Variants in DNAJC28 observed in about 807,000 individuals in gnomAD.
DNAJC28 encodes the protein DnaJ heat shock protein family (Hsp40) member C28, also known as dnaJ homolog subfamily C member 28.
Under a neutral mutation model 33.3 loss-of-function variants are expected in DNAJC28, and 24 were observed. The ratio of observed to expected loss-of-function variants is 0.72; its 90% CI spans 0.52 to 1.01. DNAJC28 has a LOEUF of 1.01. Among genes scored for constraint, DNAJC28 ranks in the 50% least tolerant of loss-of-function variants. The pLI is 0.00. For missense variants in DNAJC28, 442 were observed against 455.2 expected (o/e 0.97, Z 0.26); for synonymous variants, 120 against 147.2 (o/e 0.82, Z 1.34).
In DNAJC28 at chr21:33,488,934, A is replaced by G. The variant is rs1190460475; in HGVS notation, c.460T>C (p.Tyr154His). The G allele has an allele frequency of 6.2e-7, 1 of 1,613,586 alleles. No individual in the cohort carries two copies. The highest frequency in any genetic ancestry group is 8.5e-7 in the Non-Finnish European group (1 of 1,180,026). The change falls in exon 2 of 2, where the codon TAT becomes CAT. Residue 154 changes from tyrosine (Y) to histidine (H), a missense_variant. By Grantham distance (83) the Tyr-to-His change is moderately conservative (BLOSUM62 2). Coordinates refer to ENST00000381947, the MANE Select transcript of DNAJC28 (RefSeq NM_001040192.3). Reference protein sequence around the residue: ...FGTPTQREKHYRQFRADRAAE... With the variant: ...FGTPTQREKHHRQFRADRAAE... The stretch of plus-strand genomic sequence containing the variant: ...GCACGGTCTGCCCTAAATTGCCTAT[A>G]ATGCTTCTCTCGTTGAGTTGGAGTC...
chr21:33,488,718 G>C lies in DNAJC28; in HGVS notation c.676C>G (p.Pro226Ala). The C allele has an allele frequency of 6.2e-7, 1 of 1,610,064 alleles. No homozygotes were observed. The highest frequency in any genetic ancestry group is 8.5e-7 in the Non-Finnish European group (1 of 1,179,080). ...DFDNLSGKGK[P>A]LKKFSDCSYI... Reference sequence around the variant, plus strand: ...GAACAGTCAGAAAACTTTTTCAGAGGTTTTCCTTTCCCACTGAGATTGTCA... The same window carrying C: ...GAACAGTCAGAAAACTTTTTCAGAGCTTTTCCTTTCCCACTGAGATTGTCA... Residue 226 changes from proline to alanine, a missense_variant, in exon 2 of 2, where the codon CCT (proline) becomes GCT (alanine). By Grantham distance (27) the Pro-to-Ala change is conservative (BLOSUM62 -1). Transcript: ENST00000381947.
intron 1 of DNAJC28, among the ~76,000 whole-genome samples, chr21:33,489,789 CTTTT>C (rs35360893): frequency 2.5e-5 from 3 of 120,500 alleles, no homozygotes; most frequent in South Asian, 2.7e-4. Flanking sequence ...TGCGCTCAGC[CTTTT>C]TTTTTTTTTT....
At chr21:33,490,756 G>A (rs2084515287) in intron 1 of DNAJC28, among the ~76,000 whole-genome samples, 1 of 151,984 alleles carries the variant, frequency 6.6e-6, no homozygotes, top group Admixed American at 6.6e-5. Context: ...GTGAGACTCT[G>A]TCTCAAAAAA....
At chr21:33,490,353 C>T (rs2084511583) in intron 1 of DNAJC28, among the ~76,000 whole-genome samples, 2 of 148,800 alleles carry the variant, frequency 1.3e-5, no homozygotes, top group African/African-American at 5.0e-5. Flanking sequence ...GTGATCTGCC[C>T]GCCTCGACCT....
chr21:33,488,912 C>A lies in DNAJC28; in HGVS notation c.482G>T (p.Arg161Leu). Residue 161 changes from arginine to leucine, a missense_variant, in exon 2 of 2, where the codon CGT (arginine) becomes CTT (leucine). By Grantham distance (102) the Arg-to-Leu change is moderately radical. Coordinates refer to ENST00000381947, the MANE Select transcript of DNAJC28 (RefSeq NM_001040192.3). ...ATATTCCATCACTTGTTCAGCAGCA[C>A]GGTCTGCCCTAAATTGCCTATAATG... ...EKHYRQFRADRAAEQVMEYQK... is the reference protein window; with the variant it reads ...EKHYRQFRADLAAEQVMEYQK... The A allele has an allele frequency of 6.2e-7, 1 of 1,612,858 alleles. No homozygotes were observed.
chr21:33,489,356 C>A lies in DNAJC28; in HGVS notation c.38G>T (p.Arg13Ile), dbSNP rs1568996816. 1.3e-6 allele frequency: 2 copies of A among 1,542,528 alleles called. No homozygotes were observed. The highest frequency in any genetic ancestry group is 4.5e-5 in the East Asian group (2 of 44,466). Residue 13 changes from arginine (R) to isoleucine (I), a missense_variant, in exon 2 of 2, where the codon AGA becomes ATA. Coordinates refer to ENST00000381947, the MANE Select transcript of DNAJC28 (RefSeq NM_001040192.3). ...TMYVMMAQILRSHLIKATVIP... is the reference protein window; with the variant it reads ...TMYVMMAQILISHLIKATVIP... ...CACTGTAGCCTTTATCAGGTGAGAT[C>A]TTAAGATCTGAGCCATCATCACATA... is the stretch of plus-strand genomic sequence containing the variant.
Position 33,489,206 on chromosome 21 carries a change from G to C in DNAJC28, c.188C>G (p.Ser63Cys), listed in dbSNP as rs1432690604. 6.2e-7 allele frequency: 1 copy of C among 1,607,916 alleles called. No homozygotes were observed. The highest frequency in any genetic ancestry group is 2.2e-5 in the East Asian group (1 of 44,844). The change falls in exon 2 of 2, where the codon TCT becomes TGT. Residue 63 changes from serine to cysteine, a missense_variant. Physicochemically the swap from Ser to Cys is moderately radical, Grantham distance 112 (BLOSUM62 -1). Transcript: ENST00000381947. ...AAAAGATTCCCTGACTTCATCTGCAGAGCATCCTTCCTCCACGTTCAGCAG... is the reference window on the plus strand; with the variant it reads ...AAAAGATTCCCTGACTTCATCTGCACAGCATCCTTCCTCCACGTTCAGCAG... ...YRLLNVEEGC[S>C]ADEVRESFHK...
At position 33,488,373 on chromosome 21, in the gene DNAJC28, A is replaced by G. The variant is rs762429094; in HGVS notation, c.1021T>C (p.Tyr341His). The change falls in exon 2 of 2, where the codon TAC (tyrosine) becomes CAC (histidine). Residue 341 changes from tyrosine (Y) to histidine (H), a missense_variant. Physicochemically the swap from Tyr to His is moderately conservative, Grantham distance 83 (BLOSUM62 2). Transcript: ENST00000381947. Reference sequence around the variant, plus strand: ...TCTTTTGTTTTTATAAGGGTCTCGTATATTTTCTGGGCTCTGACAATTTCT... The same window carrying G: ...TCTTTTGTTTTTATAAGGGTCTCGTGTATTTTCTGGGCTCTGACAATTTCT... ...QKEIVRAQKIYETLIKTKEVT... is the reference protein window; with the variant it reads ...QKEIVRAQKIHETLIKTKEVT... 2 of 1,593,726 alleles carry G rather than the reference A, an allele frequency of 1.3e-6. No homozygotes were observed. The highest frequency in any genetic ancestry group is 1.7e-6 in the Non-Finnish European group (2 of 1,174,886).
rs200537192 is a variant in DNAJC28, at chr21:33,488,279, C to T, written c.1115G>A (p.Gly372Asp). The change falls in exon 2 of 2, where the codon GGT (glycine) becomes GAT (aspartate). Residue 372 changes from glycine (G) to aspartate (D), a missense_variant. Gly to Asp is a moderately conservative substitution (Grantham distance 94, BLOSUM62 -1). Coordinates refer to ENST00000381947, the MANE Select transcript of DNAJC28 (RefSeq NM_001040192.3). ...EGEKTPEIKKGFLNWMNLWKF... is the reference protein window; with the variant it reads ...EGEKTPEIKKDFLNWMNLWKF... Reference sequence around the variant, plus strand: ...CCACAGATTCATCCAGTTTAAAAAACCTTTCTTGATTTCAGGTGTTTTCTC... The same window carrying T: ...CCACAGATTCATCCAGTTTAAAAAATCTTTCTTGATTTCAGGTGTTTTCTC... The T allele has an allele frequency of 1.5e-4, 236 of 1,534,382 alleles. No homozygotes were observed. Among genetic ancestry groups the T allele is most frequent in the Non-Finnish European group, 1.9e-4 (223 of 1,149,704 alleles).
At position 33,488,924 on chromosome 21, in the gene DNAJC28, A is replaced by G; in HGVS notation, c.470T>C (p.Phe157Ser). ...PTQREKHYRQ[F>S]RADRAAEQVM... ...TTGTTCAGCAGCACGGTCTGCCCTA[A>G]ATTGCCTATAATGCTTCTCTCGTTG... The change falls in exon 2 of 2, where the codon TTT becomes TCT. Residue 157 changes from phenylalanine (F) to serine (S), a missense_variant. Transcript: ENST00000381947. 6.2e-7 allele frequency: 1 copy of G among 1,613,448 alleles called. No individual in the cohort carries two copies. Among genetic ancestry groups the G allele is most frequent in the Non-Finnish European group, 8.5e-7 (1 of 1,180,000 alleles).
In DNAJC28 at chr21:33,489,050, C is replaced by T. The variant is rs200908300; in HGVS notation, c.344G>A (p.Ser115Asn). 1.1e-4 allele frequency: 175 copies of T among 1,612,908 alleles called. No individual in the cohort carries two copies. The highest frequency in any genetic ancestry group is 1.4e-4 in the Non-Finnish European group (162 of 1,179,800). Residue 115 changes from serine (S) to asparagine (N), a missense_variant, in exon 2 of 2, where the codon AGT becomes AAT. Transcript: ENST00000381947. ...HVIEQTNASQ[S>N]KGEEEEDVEK... is the part of the protein sequence containing the mutation. ...TACATCTTCTTCTTCTTCACCTTTA[C>T]TCTGACTGGCATTTGTTTGTTCTAT...
intron 1 of DNAJC28, 110 bp from the exon 2 acceptor site, chr21:33,489,534 G>T: frequency 1.9e-6 from 1 of 532,986 alleles, no homozygotes; most frequent in Non-Finnish European, 3.0e-6. Context: ...ACAACAAGGG[G>T]CAGTTCTTTT....
At chr21:33,489,522 G>T in intron 1 of DNAJC28, 98 bp from the exon 2 acceptor site, 2 of 559,272 alleles carry the variant, frequency 3.6e-6, no homozygotes, top group Non-Finnish European at 5.7e-6. Flanking sequence ...GAATTTATAA[G>T]TACAACAAGG....
chr21:33,489,646 C>T (rs189910646), intron 1 of DNAJC28, among the ~76,000 whole-genome samples: 80 of 150,982 alleles, frequency 5.3e-4, no homozygotes, highest in Middle Eastern at 3.5e-3. Flanking sequence ...TCCAGAGCCA[C>T]GCCTAGCTAA....
At position 33,491,671 on chromosome 21, in the gene DNAJC28, C is replaced by G. The variant is rs1247885230; in HGVS notation, c.-101G>C. 1 of 152,366 alleles carries G rather than the reference C, an allele frequency of 6.6e-6. No homozygotes were observed. The highest frequency in any genetic ancestry group is 1.9e-4 in the East Asian group (1 of 5,204). The allele number at this position is 152,366 out of a possible 1,614,324, so 9.4% of individuals were successfully genotyped here. On this transcript the variant is annotated 5_prime_UTR_variant, in exon 1 of 2. Coordinates refer to ENST00000381947, the MANE Select transcript of DNAJC28 (RefSeq NM_001040192.3). ...GCCAAACGAACTTTACCCCGGAGGA[C>G]CCAGGCAGGGCACCTCGGGAGCCTT... is the stretch of plus-strand genomic sequence containing the variant.
intron 1 of DNAJC28, 90 bp downstream of exon 1, chr21:33,491,512 T>G (rs2084524388): frequency 6.6e-6 from 1 of 152,518 alleles, no homozygotes; most frequent in Admixed American, 6.5e-5. Flanking sequence ...CGGGTGTCCC[T>G]CCCACCGCCT....
chr21:33,489,191 C>T lies in DNAJC28; in HGVS notation c.203G>A (p.Arg68Lys). ...CTTGGCAAGCTTATGAAAAGATTCC[C>T]TGACTTCATCTGCAGAGCATCCTTC... ...VEEGCSADEVRESFHKLAKQY... is the reference protein window; with the variant it reads ...VEEGCSADEVKESFHKLAKQY... The change falls in exon 2 of 2, where the codon AGG becomes AAG. Residue 68 changes from arginine (R) to lysine (K), a missense_variant. Coordinates refer to ENST00000381947, the MANE Select transcript of DNAJC28 (RefSeq NM_001040192.3). 1 of 1,609,712 alleles carries T rather than the reference C, an allele frequency of 6.2e-7. No homozygotes were observed. Among genetic ancestry groups the T allele is most frequent in the Non-Finnish European group, 8.5e-7 (1 of 1,178,742 alleles).
rs749616309 is a variant in DNAJC28, at chr21:33,488,304, C to G, written c.1090G>C (p.Glu364Gln). The stretch of plus-strand genomic sequence containing the variant: ...CCTTTCTTGATTTCAGGTGTTTTCT[C>G]TCCTTCTCCTTGATCAAGGTTATTT... ...NPNNLDQGEG[E>Q]KTPEIKKGFL... Residue 364 changes from glutamate (E) to glutamine (Q), a missense_variant, in exon 2 of 2, where the codon GAG (glutamate) becomes CAG (glutamine). Coordinates refer to ENST00000381947, the MANE Select transcript of DNAJC28 (RefSeq NM_001040192.3). The G allele has an allele frequency of 6.4e-7, 1 of 1,562,454 alleles. No individual in the cohort carries two copies.
At chr21:33,490,120 C>CTTTTTT (rs899299286) in intron 1 of DNAJC28, among the ~76,000 whole-genome samples, 1 of 132,854 alleles carries the variant, frequency 7.5e-6, no homozygotes, top group African/African-American at 2.8e-5. Context: ...CTTTTCTTTT[C>CTTTTTT]TTTTTTTTTT....
Sources: allele counts gnomAD v4.1 joint callset (sites outside exome capture counted in the v4.1 genomes callset), GRCh38; gene constraint gnomAD v4.1.1; transcripts MANE v1.5; gene names NCBI Gene and HGNC (gene_info 2026-07-23, HGNC 2026-07-21).